Variants in LRMDA observed in about 807,000 individuals in gnomAD.
LRMDA encodes the protein leucine-rich melanocyte differentiation-associated protein.
LRMDA carries 18 observed loss-of-function variants against 29.8 expected under a neutral mutation model. The ratio of observed to expected loss-of-function variants is 0.60; its 90% CI spans 0.42 to 0.90. The LOEUF (loss-of-function observed/expected upper bound fraction) is 0.90, where lower values mean the gene tolerates loss of function less well. Ranked by LOEUF, LRMDA falls within the 40% of genes least tolerant of loss-of-function variation. The pLI is 0.00. For missense variants in LRMDA, 273 were observed against 273.9 expected, an observed-to-expected ratio of 1.00 and a Z score of 0.02; for synonymous variants, 125 against 109.4, an observed-to-expected ratio of 1.14 and a Z score of -0.89.
chr10:76,414,645 A>G (rs1308724941), intron 6 of LRMDA, among the ~76,000 whole-genome samples: 1 of 152,216 alleles, frequency 6.6e-6, no homozygotes, highest in African/African-American at 2.4e-5. Flanking sequence ...GACTCAAGCA[A>G]CAGAGAAAAA....
intron 6 of LRMDA, among the ~76,000 whole-genome samples, chr10:76,533,242 C>A (rs936804728): frequency 6.6e-6 from 1 of 152,138 alleles, no homozygotes; most frequent in East Asian, 1.9e-4. Context: ...TGTCCTAAAA[C>A]CAGTTGATTG....
intron 5 of LRMDA, among the ~76,000 whole-genome samples, chr10:76,192,964 A>C (rs1851271998): frequency 6.6e-6 from 1 of 152,208 alleles, no homozygotes; most frequent in Non-Finnish European, 1.5e-5. Context: ...ATATATTTGA[A>C]AGCAAATTAA....
intron 2 of LRMDA, among the ~76,000 whole-genome samples, chr10:75,807,380 G>A (rs1843872942): frequency 6.6e-6 from 1 of 152,192 alleles, no homozygotes; most frequent in African/African-American, 2.4e-5. Context: ...TGAGCGATGG[G>A]GCAGGATGGC....
At chr10:75,503,208 G>C (rs1486103177) in intron 2 of LRMDA, among the ~76,000 whole-genome samples, 1 of 151,650 alleles carries the variant, frequency 6.6e-6, no homozygotes, top group Non-Finnish European at 1.5e-5. Flanking sequence ...TATTATTACA[G>C]GTACTGCAGT....
At chr10:76,324,608 G>C in intron 6 of LRMDA, 123 bp downstream of exon 6, 1 of 808,894 alleles carries the variant, frequency 1.2e-6, no homozygotes, top group Non-Finnish European at 2.0e-6. Context: ...TTAAGTCCTT[G>C]ATGAGAAAAC....
intron 5 of LRMDA, among the ~76,000 whole-genome samples, chr10:76,155,760 A>G (rs1850525929): frequency 1.3e-5 from 2 of 152,124 alleles, no homozygotes; most frequent in South Asian, 4.1e-4. Flanking sequence ...AGATTTAGGG[A>G]TTTCTGGTTC....
At chr10:75,488,570 G>T (rs569761323) in intron 2 of LRMDA, among the ~76,000 whole-genome samples, 1 of 152,226 alleles carries the variant, frequency 6.6e-6, no homozygotes, top group Admixed American at 6.5e-5. Flanking sequence ...TAAAAAGTTA[G>T]CATTGTTGTT....
chr10:76,151,086 C>A (rs114470359), intron 5 of LRMDA, among the ~76,000 whole-genome samples: 2,576 of 152,232 alleles, frequency 0.017, 79 homozygotes, highest in African/African-American at 0.059. Flanking sequence ...CAGGCACAGG[C>A]AGGGGTGGCA....
Position 75,939,828 on chromosome 10 carries a change from C to G in LRMDA, c.132-96180C>G, listed in dbSNP as rs140894767. Among the ~76,000 whole-genome samples the G allele has an allele frequency of 6.1e-3, 930 of 152,260 alleles. 8 individuals carry two copies. Among genetic ancestry groups the G allele is most frequent in the African/African-American group, 0.021 (869 of 41,536 alleles). ...CTGTACAGCATCAACCTTGTGCACA[C>G]TGCCCAGCCAAATGGCTTTGGCTGG... On this transcript the variant is annotated intron_variant, in intron 2 of 6. Coordinates refer to ENST00000611255, the MANE Select transcript of LRMDA (RefSeq NM_001305581.2).
chr10:75,937,922 G>A (rs1279768881), intron 2 of LRMDA, among the ~76,000 whole-genome samples: 5 of 152,160 alleles, frequency 3.3e-5, no homozygotes, highest in African/African-American at 1.2e-4. Flanking sequence ...TTAGCTGTCT[G>A]TCTATTGGGG....
chr10:76,157,824 G>A (rs1850567146), intron 5 of LRMDA, among the ~76,000 whole-genome samples: 1 of 152,076 alleles, frequency 6.6e-6, no homozygotes. Flanking sequence ...GAACATCATA[G>A]TATATGCTTA....
chr10:75,605,722 T>C (rs6480789), intron 2 of LRMDA, among the ~76,000 whole-genome samples: 21,022 of 152,270 alleles, frequency 0.14, 4,609 homozygotes, highest in African/African-American at 0.46. Flanking sequence ...AAGGTCATGG[T>C]GAAGCTGGGA....
chr10:76,413,675 A>T (rs544088561), intron 6 of LRMDA, among the ~76,000 whole-genome samples: 1 of 152,312 alleles, frequency 6.6e-6, no homozygotes, highest in Non-Finnish European at 1.5e-5. Flanking sequence ...AAAATAGTAT[A>T]AAATTTATCT....
chr10:75,529,788 G>A lies in LRMDA; in HGVS notation c.131+91294G>A, dbSNP rs140281990. ...ATATCTTACACAATTATAGCATGAG[G>A]AATATAATTATGAACACAAAATATG... On this transcript the variant is annotated intron_variant, in intron 2 of 6. Transcript: ENST00000611255. Among the ~76,000 whole-genome samples the A allele has an allele frequency of 9.0e-3, 1,375 of 152,272 alleles. 12 individuals carry two copies. Among genetic ancestry groups the A allele is most frequent in the Admixed American group, 0.014 (218 of 15,294 alleles).
intron 2 of LRMDA, among the ~76,000 whole-genome samples, chr10:75,621,180 T>G (rs1397484280): frequency 6.7e-6 from 1 of 150,354 alleles, no homozygotes; most frequent in Non-Finnish European, 1.5e-5. Context: ...TTCCTTTTTA[T>G]GGCTGAGTAG....
intron 5 of LRMDA, among the ~76,000 whole-genome samples, chr10:76,188,890 CTCAG>C (rs1289221662): frequency 1.3e-5 from 2 of 151,782 alleles, no homozygotes; most frequent in East Asian, 3.9e-4. Flanking sequence ...CCCTTTGTTT[CTCAG>C]TCATTTTTTT....
chr10:75,808,315 T>C (rs1205543488), intron 2 of LRMDA, among the ~76,000 whole-genome samples: 1 of 152,168 alleles, frequency 6.6e-6, no homozygotes, highest in Non-Finnish European at 1.5e-5. Flanking sequence ...CCATTTATGT[T>C]TACTGTGTTT....
At chr10:75,432,092 C>A (rs900811207) in intron 1 of LRMDA, among the ~76,000 whole-genome samples, 2 of 152,256 alleles carry the variant, frequency 1.3e-5, no homozygotes, top group African/African-American at 4.8e-5. Flanking sequence ...GTTCCAATTT[C>A]ATAATCTGAA....
intron 2 of LRMDA, among the ~76,000 whole-genome samples, chr10:75,608,093 C>A (rs1840978783): frequency 1.2e-5 from 1 of 81,108 alleles, no homozygotes; most frequent in Non-Finnish European, 3.2e-5. Flanking sequence ...ATGACTGGAT[C>A]AAAAATTGTA....
Sources: gnomAD v4.1 joint callset for allele counts (sites outside exome capture counted in the v4.1 genomes callset) on GRCh38, gnomAD v4.1.1 for gene constraint, MANE v1.5 for transcripts, NCBI Gene and HGNC (gene_info 2026-07-23, HGNC 2026-07-21) for gene names.